The following PABIR3 variants were observed in gnomAD, a reference collection of about 807,000 sequenced individuals.
The protein encoded by PABIR3 is PABIR family member 3.
Under a neutral mutation model 23.1 loss-of-function variants are expected in PABIR3, and 20 were observed. That is an observed-to-expected ratio of 0.86 (90% CI 0.61 to 1.26). The LOEUF (loss-of-function observed/expected upper bound fraction) is 1.26. PABIR3 is among the 50% of genes most tolerant of loss of function. PABIR3 has a pLI of 0.00. For synonymous variants in PABIR3, 69 were observed against 68.5 expected, an observed-to-expected ratio of 1.01 and a Z score of -0.04; for missense variants, 189 against 195.4, an observed-to-expected ratio of 0.97 and a Z score of 0.20.
chrX:134,839,107 G>A (rs773025078), intron 4 of PABIR3: 8,351 of 121,614 alleles, frequency 0.069, 367 homozygotes, highest in African/African-American at 0.17. Flanking sequence ...GCCTCTGCCC[G>A]GCCGCCACCC....
At chrX:134,810,112 G>A (rs1227312583) in intron 2 of PABIR3, 21 of 752,207 alleles carry the variant, frequency 2.8e-5, no homozygotes, top group Admixed American at 8.9e-5. Flanking sequence ...AATATAAAAA[G>A]AAGAAATAGG....
Position 134,821,264 on chromosome X carries a change from A to AC in PABIR3, c.189+6415_189+6416insC, listed in dbSNP as rs1395687278. On this transcript the variant is annotated intron_variant, in intron 3 of 10. Transcript: ENST00000645433. ...CATTGTAAAAAAAAAAAAAAAAAAAAAAACTGTTCCCTCACAATTATTTTG... is the reference window on the plus strand; with the variant it reads ...CATTGTAAAAAAAAAAAAAAAAAAAACAAACTGTTCCCTCACAATTATTTTG... 3.0e-6 allele frequency: 3 copies of AC among 985,940 alleles called. No homozygotes were observed. In the African/African-American group the frequency reaches 6.1e-5, roughly 20 times the overall value. The allele number at this position is 985,940 out of a possible 1,213,427, so 81.3% of individuals were successfully genotyped here.
At chrX:134,818,508 C>A (rs1195872505) in intron 3 of PABIR3, among the ~76,000 whole-genome samples, 1 of 111,902 alleles carries the variant, frequency 8.9e-6, no homozygotes, top group African/African-American at 3.2e-5. Flanking sequence ...AGCCGTCAAA[C>A]AGACTGAAAA....
intron 2 of PABIR3, 68 bp from the exon 3 acceptor site, chrX:134,814,703 C>CAAAA (rs201263798): frequency 2.1e-5 from 13 of 633,138 alleles, no homozygotes; most frequent in Admixed American, 5.2e-5. Flanking sequence ...GACTCCGTCT[C>CAAAA]AAAAAAAAAA....
upstream of PABIR3, chrX:134,804,158 T>C: frequency 9.2e-7 from 1 of 1,088,541 alleles, no homozygotes; most frequent in Non-Finnish European, 1.2e-6. Context: ...AGTAGCCTAA[T>C]TGTCAAGTCT....
Position 134,848,272 on chromosome X carries a change from C to A in PABIR3, c.527+301C>A, listed in dbSNP as rs181649883. ...GGGCATGGTGGTGCATGTCTGTAAT[C>A]CCAGCTACTCAGGAGGCTGAGGCAG... On this transcript the variant is annotated intron_variant, in intron 8 of 10. Coordinates refer to ENST00000645433, the MANE Select transcript of PABIR3 (RefSeq NM_001388447.1). Among the ~76,000 whole-genome samples, 164 of 109,703 alleles carry A rather than the reference C, an allele frequency of 1.5e-3. 1 individual carries two copies. Among genetic ancestry groups the A allele is most frequent in the African/African-American group, 5.0e-3 (151 of 30,122 alleles).
chrX:134,860,383 C>G, the PABIR3 span, among the ~76,000 whole-genome samples: 12 of 112,016 alleles, frequency 1.1e-4, no homozygotes, highest in African/African-American at 3.9e-4. Flanking sequence ...GCCACCGCAC[C>G]TGGACCCTTC....
chrX:134,840,848 C>G (rs1363583996), intron 4 of PABIR3, among the ~76,000 whole-genome samples: 1 of 110,080 alleles, frequency 9.1e-6, no homozygotes, highest in Non-Finnish European at 1.9e-5. Context: ...ATTTTTTTCC[C>G]TCTCCTAAAC....
At chrX:134,818,069 G>C (rs761580399) in intron 3 of PABIR3, among the ~76,000 whole-genome samples, 2 of 111,543 alleles carry the variant, frequency 1.8e-5, no homozygotes, top group South Asian at 7.5e-4. Context: ...CTGACTCCTA[G>C]GTCTCTAGCT....
At chrX:134,817,624 G>A (rs1298756723) in intron 3 of PABIR3, among the ~76,000 whole-genome samples, 2 of 109,202 alleles carry the variant, frequency 1.8e-5, no homozygotes, top group Non-Finnish European at 3.8e-5. Context: ...CCTGGAAAAG[G>A]AAGTGTGGTG....
intron 4 of PABIR3, among the ~76,000 whole-genome samples, chrX:134,831,269 A>G (rs1367462674): frequency 1.8e-5 from 2 of 110,384 alleles, no homozygotes; most frequent in Non-Finnish European, 3.8e-5. Context: ...GGGTTTCACC[A>G]TGTTGGTCAG....
chrX:134,823,288 G>A (rs1180247181), intron 3 of PABIR3, among the ~76,000 whole-genome samples: 3 of 112,171 alleles, frequency 2.7e-5, no homozygotes, highest in African/African-American at 9.7e-5. Context: ...TTTATGACAT[G>A]TCATTATAAT....
chrX:134,839,525 G>A (rs1187503327), intron 4 of PABIR3: 1 of 120,482 alleles, frequency 8.3e-6, no homozygotes, highest in Non-Finnish European at 1.7e-5. Flanking sequence ...GAAGTGAGGA[G>A]CGTCTCTGCC....
intron 2 of PABIR3, among the ~76,000 whole-genome samples, chrX:134,811,663 G>A (rs752976064): frequency 9.0e-6 from 1 of 111,473 alleles, no homozygotes; most frequent in Non-Finnish European, 1.9e-5. Flanking sequence ...TTGAACCCTT[G>A]ACCTTGTGAT....
At chrX:134,848,774 G>A (rs773988970) in intron 8 of PABIR3, among the ~76,000 whole-genome samples, 3 of 111,955 alleles carry the variant, frequency 2.7e-5, no homozygotes, top group African/African-American at 9.7e-5. Context: ...GGCCAAGGCA[G>A]GCAGATCACC....
intron 1 of PABIR3, chrX:134,799,777 A>G (rs1941844743): frequency 9.1e-6 from 1 of 109,502 alleles, no homozygotes. Flanking sequence ...AGCCTGGCCA[A>G]CATAACATGG....
At chrX:134,818,934 CTTTTTT>C (rs1216993828) in intron 3 of PABIR3, among the ~76,000 whole-genome samples, 1 of 77,066 alleles carries the variant, frequency 1.3e-5, no homozygotes, top group African/African-American at 4.9e-5. Flanking sequence ...TTTTTTCTTT[CTTTTTT>C]TTTTTTTTTT....
At chrX:134,833,727 C>G (rs1384012611) in intron 4 of PABIR3, among the ~76,000 whole-genome samples, 2 of 109,856 alleles carry the variant, frequency 1.8e-5, no homozygotes, top group Non-Finnish European at 3.8e-5. Flanking sequence ...TCCATGTGTT[C>G]TCATTGTTCA....
chrX:134,843,619 G>A (rs1209802262), intron 4 of PABIR3, among the ~76,000 whole-genome samples: 1 of 89,780 alleles, frequency 1.1e-5, no homozygotes, highest in Non-Finnish European at 2.1e-5. Context: ...CCAGGCTAAA[G>A]TGCAGTGGCG....
Sources: gnomAD v4.1 joint callset for allele counts (sites outside exome capture counted in the v4.1 genomes callset) on GRCh38, gnomAD v4.1.1 for gene constraint, MANE v1.5 for transcripts, NCBI Gene and HGNC (gene_info 2026-07-23, HGNC 2026-07-21) for gene names.